The following PARD3 variants were observed in gnomAD, a reference collection of about 807,000 sequenced individuals.
PARD3 encodes the protein partitioning defective 3 homolog.
A neutral mutation model predicts 155.4 loss-of-function variants in PARD3; 75 were observed. The ratio of observed to expected loss-of-function variants is 0.48; its 90% CI spans 0.40 to 0.58. The LOEUF is 0.58. Ranked by LOEUF, PARD3 falls within the 20% of genes least tolerant of loss-of-function variation. PARD3 has a pLI of 0.00. For missense variants in PARD3, 1,642 were observed against 1,721.7 expected (o/e 0.95, Z 0.82); for synonymous variants, 576 against 610.5 (o/e 0.94, Z 0.83).
chr10:34,665,845 CAGA>C (rs2093443313), intron 2 of PARD3, among the ~76,000 whole-genome samples: 1 of 53,790 alleles, frequency 1.9e-5, no homozygotes, highest in African/African-American at 7.3e-5. Context: ...AATTAAAGAA[CAGA>C]ACAGAACAGA....
At chr10:34,268,659 T>G (rs1296814238) in intron 22 of PARD3, among the ~76,000 whole-genome samples, 1 of 152,002 alleles carries the variant, frequency 6.6e-6, no homozygotes, top group African/African-American at 2.4e-5. Context: ...ACCATCATTC[T>G]CAGCAAACTA....
At chr10:34,332,746 T>C (rs149366318) in intron 18 of PARD3, among the ~76,000 whole-genome samples, 1,740 of 152,294 alleles carry the variant, frequency 0.011, 12 homozygotes, top group Non-Finnish European at 0.017. Context: ...CATATTTAGC[T>C]TTCTCAGTGC....
At chr10:34,536,104 T>C (rs2083207585) in intron 2 of PARD3, among the ~76,000 whole-genome samples, 1 of 152,194 alleles carries the variant, frequency 6.6e-6, no homozygotes. Context: ...TTCAAAACTC[T>C]CGTTGAAAGA....
intron 1 of PARD3, among the ~76,000 whole-genome samples, chr10:34,785,816 C>G (rs1295290891): frequency 6.6e-6 from 1 of 152,102 alleles, no homozygotes; most frequent in Non-Finnish European, 1.5e-5. Flanking sequence ...TTGAATTTCA[C>G]TCCACGTAAC....
intron 2 of PARD3, among the ~76,000 whole-genome samples, chr10:34,548,159 C>T (rs1013539798): frequency 2.6e-5 from 4 of 152,116 alleles, no homozygotes; most frequent in African/African-American, 7.2e-5. Context: ...TTCATTTGTC[C>T]GTCTCATTTC....
intron 1 of PARD3, among the ~76,000 whole-genome samples, chr10:34,792,017 C>T (rs1227609759): frequency 6.6e-6 from 1 of 152,138 alleles, no homozygotes; most frequent in Non-Finnish European, 1.5e-5. Context: ...GAGCCTCCCT[C>T]GGCCACCTCC....
intron 2 of PARD3, among the ~76,000 whole-genome samples, chr10:34,680,671 C>T (rs1192597045): frequency 6.6e-6 from 1 of 151,632 alleles, no homozygotes; most frequent in Non-Finnish European, 1.5e-5. Flanking sequence ...AAAACACATA[C>T]CAATCATTAA....
chr10:34,561,989 C>T (rs2085515818), intron 2 of PARD3, among the ~76,000 whole-genome samples: 1 of 148,630 alleles, frequency 6.7e-6, no homozygotes, highest in South Asian at 2.2e-4. Context: ...AAAAAATTAG[C>T]TGGGTATGGT....
At chr10:34,542,743 A>G (rs990382422) in intron 2 of PARD3, among the ~76,000 whole-genome samples, 1 of 152,226 alleles carries the variant, frequency 6.6e-6, no homozygotes, top group Non-Finnish European at 1.5e-5. Context: ...CTCATTGCAG[A>G]GAACTGTAAA....
chr10:34,191,963 T>C (rs1950731519), intron 22 of PARD3, among the ~76,000 whole-genome samples: 1 of 152,210 alleles, frequency 6.6e-6, no homozygotes. Flanking sequence ...TCAGCTGAAA[T>C]TGGAGGAATA....
intron 20 of PARD3, among the ~76,000 whole-genome samples, chr10:34,289,119 C>A (rs1205330595): frequency 5.3e-5 from 8 of 152,006 alleles, no homozygotes; most frequent in African/African-American, 1.4e-4. Context: ...TGGTACCTAC[C>A]ATGCTCAGCT....
In PARD3 at chr10:34,355,942, AAAAACAAAACAAAACCAAAC is replaced by A. The variant is rs1263073110; in HGVS notation, c.2067+3185_2067+3204del. Reference sequence around the variant, plus strand: ...TCCGTCTCAAAAAAAAAAAAAAAAAAAAAACAAAACAAAACCAAACAAAAAAACAGACAACAGACCCAGAG... The same window carrying A: ...TCCGTCTCAAAAAAAAAAAAAAAAAAAAAAAAACAGACAACAGACCCAGAG... On this transcript the variant is annotated intron_variant, in intron 14 of 24. Coordinates refer to ENST00000374788, the MANE Select transcript of PARD3 (RefSeq NM_001184785.2). Among the ~76,000 whole-genome samples the A allele has an allele frequency of 4.3e-3, 562 of 129,472 alleles. 26 individuals carry two copies. Among genetic ancestry groups the A allele is most frequent in the African/African-American group, 0.02 (526 of 25,682 alleles). 84.9% of individuals were successfully genotyped at this position (129,472 alleles called of 152,430 possible).
At chr10:34,389,239 TA>T (rs57615675) in intron 7 of PARD3, among the ~76,000 whole-genome samples, 919 of 65,826 alleles carry the variant, frequency 0.014, 4 homozygotes, top group Non-Finnish European at 0.017. Flanking sequence ...CAATGTTTCT[TA>T]AAAAAAAAAA....
chr10:34,330,336 T>A (rs916526985), intron 19 of PARD3, among the ~76,000 whole-genome samples: 3 of 152,276 alleles, frequency 2.0e-5, no homozygotes, highest in South Asian at 2.1e-4. Context: ...TTTGTACCTA[T>A]CTATAAATTA....
intron 23 of PARD3, among the ~76,000 whole-genome samples, chr10:34,123,014 A>C (rs187806889): frequency 1.6e-3 from 249 of 152,372 alleles, no homozygotes; most frequent in African/African-American, 5.6e-3. Context: ...CACATAGGGA[A>C]ATACCTGCGC....
intron 22 of PARD3, among the ~76,000 whole-genome samples, chr10:34,193,416 A>G (rs1044317226): frequency 7.2e-5 from 11 of 152,176 alleles, no homozygotes; most frequent in Non-Finnish European, 1.6e-4. Context: ...GTATACACAA[A>G]GAGATCCATT....
chr10:34,362,338 C>A (rs1839530067), intron 12 of PARD3, among the ~76,000 whole-genome samples: 1 of 152,054 alleles, frequency 6.6e-6, no homozygotes, highest in African/African-American at 2.4e-5. Context: ...TCCCAGAGAA[C>A]AATTTTAGCT....
chr10:34,682,874 AAAAACAAAAC>A (rs938484865), intron 2 of PARD3, among the ~76,000 whole-genome samples: 10 of 152,352 alleles, frequency 6.6e-5, no homozygotes, highest in Non-Finnish European at 1.0e-4. Context: ...TGTCTCGAAG[AAAAACAAAAC>A]AAAACAAAAT....
chr10:34,770,531 G>A (rs1003189455), intron 1 of PARD3, among the ~76,000 whole-genome samples: 5 of 152,168 alleles, frequency 3.3e-5, no homozygotes, highest in Non-Finnish European at 5.9e-5. Context: ...GTGAAAGGGA[G>A]CCATGGGCAT....
Sources: allele counts gnomAD v4.1 joint callset (sites outside exome capture counted in the v4.1 genomes callset), GRCh38; gene constraint gnomAD v4.1.1; transcripts MANE v1.5; gene names NCBI Gene and HGNC (gene_info 2026-07-23, HGNC 2026-07-21).